Variants in SOX6 observed in about 807,000 individuals in gnomAD.
SOX6 encodes SRY-box transcription factor 6.
Under a neutral mutation model 97.8 loss-of-function variants are expected in SOX6, and 11 were observed. That is an observed-to-expected ratio of 0.11 (90% confidence interval 0.07 to 0.19). The LOEUF (loss-of-function observed/expected upper bound fraction) is 0.19, where lower values mean the gene tolerates loss of function less well. SOX6 is among the 10% of genes least tolerant of loss of function. The pLI, the probability that SOX6 is intolerant of heterozygous loss-of-function variation, is 1.00. For missense variants in SOX6, 810 were observed against 1,039.5 expected (o/e 0.78, Z 3.04); for synonymous variants, 360 against 371.4 (o/e 0.97, Z 0.35).
chr11:16,034,744 CAT>C (rs1855473852), intron 12 of SOX6, among the ~76,000 whole-genome samples: 1 of 152,172 alleles, frequency 6.6e-6, no homozygotes, highest in Non-Finnish European at 1.5e-5. Flanking sequence ...GACCGTCTCA[CAT>C]ATACACCCAG....
At chr11:16,433,382 T>C (rs944298978) in intron 1 of SOX6, among the ~76,000 whole-genome samples, 16 of 152,050 alleles carry the variant, frequency 1.1e-4, no homozygotes, top group African/African-American at 3.6e-4. Flanking sequence ...TGTGAGTATA[T>C]GATATGTAAG....
chr11:16,427,692 G>C (rs980211712), intron 1 of SOX6, among the ~76,000 whole-genome samples: 2 of 152,144 alleles, frequency 1.3e-5, no homozygotes, highest in African/African-American at 2.4e-5. Context: ...GTATTCCATG[G>C]TGTATATGTG....
At chr11:16,556,091 A>G (rs1013917261) in intron 4 of SOX6, among the ~76,000 whole-genome samples, 1 of 151,682 alleles carries the variant, frequency 6.6e-6, no homozygotes, top group African/African-American at 2.4e-5. Context: ...TCAAGCATCT[A>G]AAAAAAGTCC....
At chr11:16,402,143 C>T (rs530152788) in intron 1 of SOX6, among the ~76,000 whole-genome samples, 1 of 151,536 alleles carries the variant, frequency 6.6e-6, no homozygotes, top group African/African-American at 2.4e-5. Flanking sequence ...AAAAAAAACA[C>T]TGTATTCACT....
intron 3 of SOX6, among the ~76,000 whole-genome samples, chr11:16,695,989 G>T (rs537558659): frequency 3.3e-5 from 5 of 152,260 alleles, no homozygotes; most frequent in African/African-American, 9.6e-5. Flanking sequence ...CTAGCCTGGT[G>T]ACAGAGTGAA....
At chr11:16,726,100 T>C (rs1848304479) in intron 2 of SOX6, among the ~76,000 whole-genome samples, 1 of 152,298 alleles carries the variant, frequency 6.6e-6, no homozygotes, top group Non-Finnish European at 1.5e-5. Context: ...TTGAGGGTGA[T>C]GAAAATGTTA....
intron 4 of SOX6, among the ~76,000 whole-genome samples, chr11:16,517,462 G>T (rs1318507309): frequency 3.3e-5 from 5 of 152,224 alleles, no homozygotes; most frequent in African/African-American, 7.2e-5. Flanking sequence ...AGAGAGGAAT[G>T]TGATGATAGA....
At chr11:16,606,605 C>G (rs1302108583) in intron 4 of SOX6, among the ~76,000 whole-genome samples, 2 of 152,148 alleles carry the variant, frequency 1.3e-5, no homozygotes, top group East Asian at 3.9e-4. Flanking sequence ...TCACATCATT[C>G]CCAATTATAT....
intron 3 of SOX6, among the ~76,000 whole-genome samples, chr11:16,305,680 AT>A (rs1246239030): frequency 2.0e-5 from 3 of 152,030 alleles, no homozygotes; most frequent in Non-Finnish European, 2.9e-5. Flanking sequence ...AGTTAAACAT[AT>A]GTGATTTATA....
chr11:16,407,853 A>G (rs1477099413), intron 1 of SOX6, among the ~76,000 whole-genome samples: 1 of 152,156 alleles, frequency 6.6e-6, no homozygotes, highest in Non-Finnish European at 1.5e-5. Flanking sequence ...TGGAGAAGAC[A>G]TTCTTAAGAA....
intron 9 of SOX6, among the ~76,000 whole-genome samples, chr11:16,089,876 T>A (rs1270426725): frequency 6.6e-6 from 1 of 152,126 alleles, no homozygotes; most frequent in African/African-American, 2.4e-5. Context: ...CCTGACTTAT[T>A]CCATGGTTGG....
chr11:16,222,010 A>G (rs1852551903), intron 4 of SOX6, among the ~76,000 whole-genome samples: 1 of 152,140 alleles, frequency 6.6e-6, no homozygotes, highest in Non-Finnish European at 1.5e-5. Flanking sequence ...GAATATTCAC[A>G]ATAGCACGAA....
intron 7 of SOX6, among the ~76,000 whole-genome samples, chr11:16,101,429 C>G (rs1177961248): frequency 1.3e-5 from 2 of 151,570 alleles, no homozygotes; most frequent in African/African-American, 4.8e-5. Flanking sequence ...CCTTTCTATT[C>G]GTCAAAGAAT....
At chr11:16,155,827 A>T (rs1461419688) in intron 6 of SOX6, among the ~76,000 whole-genome samples, 1 of 152,052 alleles carries the variant, frequency 6.6e-6, no homozygotes, top group African/African-American at 2.4e-5. Context: ...AAACTCTACC[A>T]TAGGACATCT....
chr11:16,406,275 G>A (rs148896018), intron 1 of SOX6, among the ~76,000 whole-genome samples: 1,954 of 152,172 alleles, frequency 0.013, 50 homozygotes, highest in African/African-American at 0.044. Context: ...TGTTTGAAAA[G>A]GAGGATTATT....
chr11:16,306,088 C>T (rs192112118), intron 3 of SOX6, among the ~76,000 whole-genome samples: 28 of 152,008 alleles, frequency 1.8e-4, no homozygotes, highest in Non-Finnish European at 3.5e-4. Context: ...TAATACACAC[C>T]CCCACACACA....
intron 2 of SOX6, among the ~76,000 whole-genome samples, chr11:16,728,131 AC>A (rs1848321345): frequency 6.6e-6 from 1 of 152,150 alleles, no homozygotes; most frequent in Non-Finnish European, 1.5e-5. Flanking sequence ...GGGACAGAAC[AC>A]CTGGGGGAAG....
chr11:16,731,533 T>C (rs1448859285), intron 2 of SOX6, among the ~76,000 whole-genome samples: 1 of 152,150 alleles, frequency 6.6e-6, no homozygotes, highest in Non-Finnish European at 1.5e-5. Flanking sequence ...AGGCCTTCGA[T>C]AAAATTCAAC....
At chr11:16,114,762 A>C (rs1192962964) in intron 6 of SOX6, among the ~76,000 whole-genome samples, 1 of 152,164 alleles carries the variant, frequency 6.6e-6, no homozygotes, top group Non-Finnish European at 1.5e-5. Flanking sequence ...TTGAACATGT[A>C]TTTGGGGCTC....
Sources: allele counts gnomAD v4.1 joint callset (sites outside exome capture counted in the v4.1 genomes callset), GRCh38; gene constraint gnomAD v4.1.1; transcripts MANE v1.5; gene names NCBI Gene and HGNC (gene_info 2026-07-23, HGNC 2026-07-21).